Variants in IL36B observed in about 807,000 individuals in gnomAD.
IL36B encodes interleukin-36 beta.
IL36B carries 23 observed loss-of-function variants against 19.3 expected under a neutral mutation model. That is an observed-to-expected ratio of 1.19 (90% confidence interval 0.86 to 1.69). The LOEUF (loss-of-function observed/expected upper bound fraction) is 1.69. Among genes scored for constraint, IL36B ranks in the 40% most tolerant of loss-of-function variants. The pLI, the probability that IL36B is intolerant of heterozygous loss-of-function variation, is 0.00. For synonymous variants in IL36B, 59 were observed against 59.7 expected, an observed-to-expected ratio of 0.99 and a Z score of 0.05; for missense variants, 217 against 200.5, an observed-to-expected ratio of 1.08 and a Z score of -0.50.
At chr2:113,049,954 TA>T (rs749594938) in intron 1 of IL36B, among the ~76,000 whole-genome samples, 742 of 138,662 alleles carry the variant, frequency 5.4e-3, no homozygotes, top group Non-Finnish European at 4.9e-3. Context: ...AAACTCCGTC[TA>T]AAAAAAAAAA....
intron 1 of IL36B, among the ~76,000 whole-genome samples, chr2:113,051,868 C>T (rs1469780947): frequency 6.6e-6 from 1 of 152,118 alleles, no homozygotes; most frequent in Non-Finnish European, 1.5e-5. Flanking sequence ...CCGTCCAACC[C>T]AAAGTGTGCC....
intron 5 of IL36B, among the ~76,000 whole-genome samples, chr2:113,024,120 G>A (rs1197234530): frequency 6.6e-6 from 1 of 152,082 alleles, no homozygotes; most frequent in African/African-American, 2.4e-5. Context: ...GAGATTCAGG[G>A]GACAAACTAT....
chr2:113,036,295 AG>A (rs1685166509), intron 1 of IL36B, among the ~76,000 whole-genome samples: 1 of 152,250 alleles, frequency 6.6e-6, no homozygotes, highest in African/African-American at 2.4e-5. Flanking sequence ...ATAAAAAAAA[AG>A]ATTAAAACTA....
At chr2:113,046,151 C>G (rs1314480082) in intron 1 of IL36B, among the ~76,000 whole-genome samples, 1 of 151,170 alleles carries the variant, frequency 6.6e-6, no homozygotes, top group South Asian at 2.1e-4. Flanking sequence ...ATGAATACAC[C>G]AATATTGATA....
At chr2:113,049,648 T>C (rs2105059132) in intron 1 of IL36B, among the ~76,000 whole-genome samples, 1 of 151,924 alleles carries the variant, frequency 6.6e-6, no homozygotes, top group African/African-American at 2.4e-5. Context: ...AAATAACAAG[T>C]GTTGATGAGA....
intron 1 of IL36B, 105 bp from the exon 2 acceptor site, chr2:113,031,871 C>T: frequency 1.6e-6 from 1 of 618,192 alleles, no homozygotes; most frequent in Non-Finnish European, 2.9e-6. Flanking sequence ...AGAGAGCTGC[C>T]CTGAGAGCCT....
At chr2:113,051,407 A>G (rs1685442448) in intron 1 of IL36B, among the ~76,000 whole-genome samples, 1 of 152,200 alleles carries the variant, frequency 6.6e-6, no homozygotes, top group South Asian at 2.1e-4. Flanking sequence ...TGTGACACAC[A>G]CCGGAGCCTC....
At position 113,031,084 on chromosome 2, in the gene IL36B, A is replaced by G; in HGVS notation, c.85T>C (p.Leu29=). 2 of 1,614,062 alleles carry G rather than the reference A, an allele frequency of 1.2e-6. No individual in the cohort carries two copies. Among genetic ancestry groups the G allele is most frequent in the Non-Finnish European group, 1.7e-6 (2 of 1,179,936 alleles). Residue 29 remains leucine (L), a synonymous_variant, in exon 3 of 6, where the codon TTA becomes CTA. Transcript: ENST00000259213. The stretch of plus-strand genomic sequence containing the variant: ...CTGCGGCTAAGAGGAGCTGCTATTA[A>G]AGAATTTCCACTCAGGACCCACACC...
chr2:113,052,549 G>A (rs1685467261), intron 1 of IL36B, among the ~76,000 whole-genome samples: 1 of 152,226 alleles, frequency 6.6e-6, no homozygotes, highest in Admixed American at 6.5e-5. Flanking sequence ...ATGTGGGAAT[G>A]AGGCAACATA....
chr2:113,050,696 G>A (rs1685427766), intron 1 of IL36B, among the ~76,000 whole-genome samples: 1 of 152,084 alleles, frequency 6.6e-6, no homozygotes, highest in Admixed American at 6.5e-5. Flanking sequence ...GAATAAATAA[G>A]TTATCAAAAA....
chr2:113,026,355 AG>A, intron 4 of IL36B: 1 of 1,457,350 alleles, frequency 6.9e-7, no homozygotes, highest in Non-Finnish European at 9.2e-7. Context: ...GGTGGGGTTC[AG>A]GAGTATCCCA....
At chr2:113,039,703 ATC>A (rs1445730763) in intron 1 of IL36B, among the ~76,000 whole-genome samples, 5 of 152,236 alleles carry the variant, frequency 3.3e-5, no homozygotes, top group African/African-American at 1.2e-4. Flanking sequence ...GTAGGAATAA[ATC>A]CACATATTTC....
rs35528124 is a variant in IL36B, at chr2:113,037,387, C to T, written c.-57-5621G>A. Among the ~76,000 whole-genome samples, 283 of 152,282 alleles carry T rather than the reference C, an allele frequency of 1.9e-3. 1 individual carries two copies. Among genetic ancestry groups the T allele is most frequent in the African/African-American group, 6.5e-3 (269 of 41,550 alleles). On this transcript the variant is annotated intron_variant, in intron 1 of 5. Transcript: ENST00000259213. ...AATTGAGGCTGGGTGTGGTGGCTCA[C>T]ACCTGTAATCCCAGAACTTTGGGAG...
chr2:113,029,965 G>A (rs1412283728), intron 3 of IL36B, among the ~76,000 whole-genome samples: 1 of 152,184 alleles, frequency 6.6e-6, no homozygotes, highest in African/African-American at 2.4e-5. Context: ...AGGTGCGGTG[G>A]CTCACGCCTG....
chr2:113,022,544 T>G lies in IL36B; in HGVS notation c.*130A>C. 8.1e-6 allele frequency: 5 copies of G among 618,732 alleles called. No individual in the cohort carries two copies. The highest frequency in any genetic ancestry group is 3.8e-4 in the Middle Eastern group (1 of 2,618). The allele number at this position is 618,732 out of a possible 1,614,324, so 38.3% of individuals were successfully genotyped here. On this transcript the variant is annotated 3_prime_UTR_variant, in exon 6 of 6. Transcript: ENST00000259213. ...ACCAACTCTTTAAAAATACATAGTG[T>G]CCTTGTTTTACAAACTCTCCAGAAC...
At chr2:113,047,997 A>C (rs1260325140) in intron 1 of IL36B, among the ~76,000 whole-genome samples, 2 of 152,196 alleles carry the variant, frequency 1.3e-5, no homozygotes, top group Non-Finnish European at 2.9e-5. Flanking sequence ...GTAGATATTA[A>C]TCCAACCATA....
At chr2:113,042,660 G>A (rs1685280376) in intron 1 of IL36B, among the ~76,000 whole-genome samples, 1 of 152,180 alleles carries the variant, frequency 6.6e-6, no homozygotes, top group Admixed American at 6.5e-5. Flanking sequence ...TGTTCCAATA[G>A]TCATTCCTTT....
At chr2:113,027,748 G>A in intron 4 of IL36B, 2 of 1,448,022 alleles carry the variant, frequency 1.4e-6, no homozygotes, top group Non-Finnish European at 1.8e-6. Context: ...AGAAATGGAT[G>A]TTTGGAGGAG....
Position 113,026,140 on chromosome 2 carries a change from G to T in IL36B, c.354C>A (p.Cys118Ter). The change falls in exon 5 of 6, where the codon TGC becomes TGA. Residue 118 changes from cysteine to a stop codon, truncating the protein, a stop_gained. Coordinates refer to ENST00000259213, the MANE Select transcript of IL36B (RefSeq NM_014438.5). LOFTEE classifies it low-confidence loss of function (END_TRUNC). ...CCCATTGGTCAAGGGTTCCCATGAA[G>T]CAGCTCTCTCTCACATCCAGGTTTA... 1 of 1,613,900 alleles carries T rather than the reference G, an allele frequency of 6.2e-7. No individual in the cohort carries two copies. The highest frequency in any genetic ancestry group is 8.5e-7 in the Non-Finnish European group (1 of 1,179,818).
Sources: allele counts gnomAD v4.1 joint callset (sites outside exome capture counted in the v4.1 genomes callset), GRCh38; gene constraint gnomAD v4.1.1; transcripts MANE v1.5; gene names NCBI Gene and HGNC (gene_info 2026-07-23, HGNC 2026-07-21).